Variants in OXR1 observed in about 807,000 individuals in gnomAD.
OXR1 encodes oxidation resistance 1.
A neutral mutation model predicts 104.6 loss-of-function variants in OXR1; 41 were observed. The observed-to-expected ratio is 0.39, with a 90% CI of 0.31 to 0.51. The LOEUF (loss-of-function observed/expected upper bound fraction) is 0.51. Ranked by LOEUF, OXR1 falls within the 20% of genes least tolerant of loss-of-function variation. OXR1 has a pLI of 0.77. For missense variants in OXR1, 955 were observed against 1,031.9 expected, an observed-to-expected ratio of 0.93 and a Z score of 1.02; for synonymous variants, 348 against 348.4, an observed-to-expected ratio of 1.00 and a Z score of 0.01.
intron 2 of OXR1, among the ~76,000 whole-genome samples, chr8:106,392,852 T>C (rs1307310212): frequency 1.3e-5 from 2 of 152,212 alleles, no homozygotes; most frequent in Non-Finnish European, 2.9e-5. Flanking sequence ...ACCCAATAGA[T>C]GTACCAACTC....
At chr8:106,507,627 A>G (rs933304103) in intron 2 of OXR1, among the ~76,000 whole-genome samples, 11 of 152,186 alleles carry the variant, frequency 7.2e-5, no homozygotes, top group African/African-American at 2.7e-4. Context: ...GGAGAGAAGA[A>G]ATTAGAGGAA....
At chr8:106,706,330 A>G in intron 8 of OXR1, 52 bp from the exon 9 acceptor site, 2 of 1,369,630 alleles carry the variant, frequency 1.5e-6, no homozygotes, top group Non-Finnish European at 9.9e-7. Context: ...TGTGAAAAGT[A>G]AAATACCACA....
intron 2 of OXR1, among the ~76,000 whole-genome samples, chr8:106,418,701 C>T (rs1818782832): frequency 6.6e-6 from 1 of 152,062 alleles, no homozygotes; most frequent in South Asian, 2.1e-4. Context: ...AAAAATGAGA[C>T]TGCAAAATAG....
chr8:106,417,046 T>C (rs1007361110), intron 2 of OXR1, among the ~76,000 whole-genome samples: 1 of 152,114 alleles, frequency 6.6e-6, no homozygotes, highest in African/African-American at 2.4e-5. Context: ...AAGGAGACTT[T>C]AGGAATATTG....
In OXR1 at chr8:106,425,634, G is replaced by A. The variant is rs150117661; in HGVS notation, c.23+65998G>A. On this transcript the variant is annotated intron_variant, in intron 2 of 16. Coordinates refer to ENST00000517566, the MANE Select transcript of OXR1 (RefSeq NM_001198533.2). ...GGTTATGTGGACCATTTCTGTCTCT[G>A]AAATGTTTTGTTTTCCAGAGTGAGT... Among the ~76,000 whole-genome samples the A allele has an allele frequency of 4.1e-3, 622 of 152,222 alleles. 7 individuals carry two copies. The highest frequency in any genetic ancestry group is 0.014 in the African/African-American group (574 of 41,536).
chr8:106,391,634 C>A (rs1436988870), intron 2 of OXR1, among the ~76,000 whole-genome samples: 1 of 151,996 alleles, frequency 6.6e-6, no homozygotes, highest in African/African-American at 2.4e-5. Context: ...AGTTTGATGT[C>A]CTATGAAGGA....
chr8:106,382,938 A>T (rs960225878), intron 2 of OXR1, among the ~76,000 whole-genome samples: 2 of 151,742 alleles, frequency 1.3e-5, no homozygotes, highest in African/African-American at 4.8e-5. Context: ...GTTGGCCCTT[A>T]GCTACTCTGA....
intron 1 of OXR1, among the ~76,000 whole-genome samples, chr8:106,320,306 C>T (rs972588570): frequency 2.0e-5 from 3 of 152,150 alleles, no homozygotes; most frequent in African/African-American, 7.2e-5. Flanking sequence ...TCCACTCCTG[C>T]GTCAGGATCT....
intron 2 of OXR1, among the ~76,000 whole-genome samples, chr8:106,385,520 G>C (rs978183561): frequency 6.6e-6 from 1 of 152,234 alleles, no homozygotes; most frequent in Non-Finnish European, 1.5e-5. Flanking sequence ...TGAACACTCA[G>C]TATGTGACAG....
chr8:106,680,915 T>G (rs1828085548), intron 4 of OXR1, among the ~76,000 whole-genome samples: 2 of 152,200 alleles, frequency 1.3e-5, no homozygotes, highest in Non-Finnish European at 2.9e-5. Context: ...CAGCATCAGT[T>G]TGCTCATTCA....
chr8:106,489,967 A>G (rs1379592846), intron 2 of OXR1, among the ~76,000 whole-genome samples: 3 of 152,206 alleles, frequency 2.0e-5, no homozygotes, highest in Non-Finnish European at 4.4e-5. Flanking sequence ...TTATACCAGG[A>G]CAACTGGCTT....
chr8:106,307,061 TAAC>T (rs2130115160), intron 1 of OXR1, among the ~76,000 whole-genome samples: 1 of 152,176 alleles, frequency 6.6e-6, no homozygotes, highest in African/African-American at 2.4e-5. Context: ...CTAAAAATAA[TAAC>T]AGGATTATCA....
chr8:106,450,029 A>C (rs772298293), intron 2 of OXR1, among the ~76,000 whole-genome samples: 9 of 152,234 alleles, frequency 5.9e-5, no homozygotes, highest in Non-Finnish European at 1.2e-4. Context: ...ACTCCAGGCC[A>C]GTAAAGTTGT....
intron 2 of OXR1, among the ~76,000 whole-genome samples, chr8:106,510,216 G>A (rs1335473398): frequency 6.6e-6 from 1 of 151,944 alleles, no homozygotes; most frequent in African/African-American, 2.4e-5. Context: ...TTTCTTCTTT[G>A]TGGTTTTTCC....
chr8:106,472,095 G>A (rs188680388), intron 2 of OXR1, among the ~76,000 whole-genome samples: 45 of 151,826 alleles, frequency 3.0e-4, no homozygotes, highest in Admixed American at 1.6e-3. Context: ...ATCTGTGTCA[G>A]TCTTTCCTTA....
At chr8:106,748,954 A>G (rs1237072954) in intron 16 of OXR1, among the ~76,000 whole-genome samples, 1 of 152,138 alleles carries the variant, frequency 6.6e-6, no homozygotes, top group Non-Finnish European at 1.5e-5. Context: ...AAATTTGTAT[A>G]TGTAATTAAT....
intron 2 of OXR1, among the ~76,000 whole-genome samples, chr8:106,433,083 C>T (rs958767967): frequency 7.2e-5 from 11 of 152,086 alleles, no homozygotes; most frequent in Middle Eastern, 3.2e-3. Context: ...TGGCTGTGCG[C>T]GAGACCGGAG....
At chr8:106,667,981 GAA>G (rs1036838580) in intron 3 of OXR1, among the ~76,000 whole-genome samples, 7 of 148,256 alleles carry the variant, frequency 4.7e-5, no homozygotes, top group East Asian at 2.0e-4. Flanking sequence ...AAAAAAAAAA[GAA>G]AAAAAATTAC....
intron 2 of OXR1, among the ~76,000 whole-genome samples, chr8:106,372,154 C>T (rs942206618): frequency 2.0e-5 from 3 of 152,188 alleles, no homozygotes; most frequent in Non-Finnish European, 2.9e-5. Context: ...GGCATGGGTT[C>T]GCAACTGGTA....
Sources: allele counts gnomAD v4.1 joint callset (sites outside exome capture counted in the v4.1 genomes callset), GRCh38; gene constraint gnomAD v4.1.1; transcripts MANE v1.5; gene names NCBI Gene and HGNC (gene_info 2026-07-23, HGNC 2026-07-21).